The following TMEM255B variants were observed in gnomAD, a reference collection of about 807,000 sequenced individuals.
TMEM255B encodes family with sequence similarity 70, member B.
TMEM255B carries 35 observed loss-of-function variants against 34.5 expected under a neutral mutation model. The observed-to-expected ratio is 1.01, with a 90% CI of 0.77 to 1.34. TMEM255B has a LOEUF of 1.34. TMEM255B is among the 40% of genes most tolerant of loss of function. The pLI, the probability that TMEM255B is intolerant of heterozygous loss-of-function variation, is 0.00. For synonymous variants in TMEM255B, 206 were observed against 201.2 expected (o/e 1.02, Z -0.20); for missense variants, 432 against 433.2 (o/e 1.00, Z 0.02).
intron 4 of TMEM255B, among the ~76,000 whole-genome samples, chr13:113,797,756 G>A (rs888329383): frequency 6.6e-6 from 1 of 152,206 alleles, no homozygotes; most frequent in East Asian, 1.9e-4. Context: ...ACTTTTCTTG[G>A]TTCAGAACTA....
rs75569616 is a variant in TMEM255B at position 113,785,699 on chromosome 13, G to T, written c.253-9449G>T. 8.3e-3 allele frequency among the ~76,000 whole-genome samples: 1,265 copies of T among 152,302 alleles called. 21 individuals carry two copies. The highest frequency in any genetic ancestry group is 0.029 in the African/African-American group (1,201 of 41,546). On this transcript the variant is annotated intron_variant, in intron 3 of 8. Coordinates refer to ENST00000375353, the MANE Select transcript of TMEM255B (RefSeq NM_182614.4). The stretch of plus-strand genomic sequence containing the variant: ...AGGGTCAGAAGTAGGAACGGTTGCC[G>T]CTGGGCTTGGAGACCCCACTCTGGA...
chr13:113,768,148 A>G (rs560544404), intron 2 of TMEM255B: 1 of 466,264 alleles, frequency 2.1e-6, no homozygotes, highest in Non-Finnish European at 4.5e-6. Flanking sequence ...ACCCCTTCCA[A>G]CAGACACTCA....
At chr13:113,763,891 G>C (rs776566074) in intron 1 of TMEM255B, among the ~76,000 whole-genome samples, 3 of 152,382 alleles carry the variant, frequency 2.0e-5, no homozygotes, top group East Asian at 1.9e-4. Flanking sequence ...GTGCGAGTTA[G>C]AGGTGGGGAG....
At chr13:113,791,705 G>T (rs1221631871) in intron 3 of TMEM255B, among the ~76,000 whole-genome samples, 1 of 152,254 alleles carries the variant, frequency 6.6e-6, no homozygotes, top group Non-Finnish European at 1.5e-5. Context: ...AGAAGGATGG[G>T]TCGAGCGAAA....
chr13:113,800,725 C>A, intron 5 of TMEM255B, 102 bp from the exon 6 acceptor site: 1 of 1,123,102 alleles, frequency 8.9e-7, no homozygotes, highest in Non-Finnish European at 1.3e-6. Flanking sequence ...TTGGCTGGGC[C>A]TCAGTGGCCG....
chr13:113,776,675 C>G (rs981742736), intron 3 of TMEM255B, among the ~76,000 whole-genome samples: 2 of 152,226 alleles, frequency 1.3e-5, no homozygotes, highest in African/African-American at 4.8e-5. Context: ...GGGGTGCAGC[C>G]TCCCGGACAC....
intron 6 of TMEM255B, among the ~76,000 whole-genome samples, chr13:113,801,326 G>A (rs1383749466): frequency 6.6e-6 from 1 of 152,216 alleles, no homozygotes; most frequent in African/African-American, 2.4e-5. Context: ...CCGTGACCCC[G>A]ACGGCCTTCC....
At chr13:113,807,940 G>T (rs181808783) in intron 8 of TMEM255B, among the ~76,000 whole-genome samples, 1 of 152,134 alleles carries the variant, frequency 6.6e-6, no homozygotes, top group Non-Finnish European at 1.5e-5. Context: ...CTGGGTTTAC[G>T]CAAAGGGTGG....
At chr13:113,794,704 T>C (rs951854044) in intron 3 of TMEM255B, among the ~76,000 whole-genome samples, 3 of 152,202 alleles carry the variant, frequency 2.0e-5, no homozygotes, top group Non-Finnish European at 4.4e-5. Flanking sequence ...ACTAACGCAC[T>C]ATAAACCATT....
intron 1 of TMEM255B, among the ~76,000 whole-genome samples, chr13:113,765,456 G>A (rs749084959): frequency 1.3e-5 from 2 of 152,164 alleles, no homozygotes; most frequent in East Asian, 3.9e-4. Context: ...TCCAGTGTGC[G>A]GTCTGCTTTC....
At chr13:113,791,330 C>T (rs1204304569) in intron 3 of TMEM255B, among the ~76,000 whole-genome samples, 6 of 152,184 alleles carry the variant, frequency 3.9e-5, no homozygotes, top group East Asian at 1.9e-4. Flanking sequence ...TGAAAGTGGC[C>T]GGGGCATCTA....
At chr13:113,791,687 T>G (rs1271301109) in intron 3 of TMEM255B, among the ~76,000 whole-genome samples, 3 of 152,248 alleles carry the variant, frequency 2.0e-5, no homozygotes, top group Admixed American at 6.5e-5. Context: ...GTCACAGTTG[T>G]GCGGATTAGA....
At chr13:113,796,398 A>C in intron 4 of TMEM255B, among the ~76,000 whole-genome samples, 1 of 147,190 alleles carries the variant, frequency 6.8e-6, no homozygotes, top group Non-Finnish European at 1.5e-5. Context: ...CACAGAGCAC[A>C]CACCTCACAC....
At chr13:113,761,676 C>A (rs1369790394) in intron 1 of TMEM255B, among the ~76,000 whole-genome samples, 1 of 152,186 alleles carries the variant, frequency 6.6e-6, no homozygotes, top group Non-Finnish European at 1.5e-5. Context: ...TTAGCATATG[C>A]ATTCCATTTA....
At chr13:113,784,160 G>A (rs1490770206) in intron 3 of TMEM255B, among the ~76,000 whole-genome samples, 2 of 152,100 alleles carry the variant, frequency 1.3e-5, no homozygotes, top group Non-Finnish European at 2.9e-5. Flanking sequence ...ACAGCCGAGC[G>A]GGGAGGGTGT....
At chr13:113,808,625 C>G (rs1389271868) in intron 8 of TMEM255B, among the ~76,000 whole-genome samples, 2 of 144,566 alleles carry the variant, frequency 1.4e-5, no homozygotes, top group East Asian at 4.3e-4. Context: ...GGTATTTATT[C>G]CGTGGTTCCT....
chr13:113,804,777 C>G lies in TMEM255B; in HGVS notation c.670-108C>G, dbSNP rs563925168. The G allele has an allele frequency of 2.6e-4, 267 of 1,039,328 alleles. 2 individuals are homozygous for G. The African/African-American group carries it at 3.2e-3, about 12-fold the overall frequency. The allele number at this position is 1,039,328 out of a possible 1,614,324, so 64.4% of individuals were successfully genotyped here. A position where few individuals can be genotyped will look rare whatever the true frequency, so the allele number is the denominator to read the frequency against. On this transcript the variant is annotated intron_variant, in intron 7 of 8. Transcript: ENST00000375353. ...AACGCACGCCGGGCCGGGGTTAGTT[C>G]CAGCCTGAGAGTCGGGGGTCGAGGG...
intron 8 of TMEM255B, among the ~76,000 whole-genome samples, chr13:113,808,817 C>T: frequency 1.1e-5 from 1 of 90,924 alleles, no homozygotes; most frequent in Non-Finnish European, 2.0e-5. Context: ...TCCATGTTTC[C>T]TGGGGGTTTA....
intron 4 of TMEM255B, among the ~76,000 whole-genome samples, chr13:113,795,803 CCAA>C (rs1317898280): frequency 1.5e-4 from 16 of 108,044 alleles, no homozygotes; most frequent in East Asian, 3.0e-4. Flanking sequence ...AGCACACACA[CCAA>C]AACAGAGCAC....
Sources: gnomAD v4.1 joint callset for allele counts (sites outside exome capture counted in the v4.1 genomes callset) on GRCh38, gnomAD v4.1.1 for gene constraint, MANE v1.5 for transcripts, NCBI Gene and HGNC (gene_info 2026-07-23, HGNC 2026-07-21) for gene names.